MYH6: variants seen among roughly 807,000 people sequenced by gnomAD.
MYH6 encodes the protein myosin heavy chain 6.
Under a neutral mutation model 223.2 loss-of-function variants are expected in MYH6, and 126 were observed. That is an observed-to-expected ratio of 0.56 (90% CI 0.49 to 0.65). MYH6 has a LOEUF of 0.65. Among genes scored for constraint, MYH6 ranks in the 30% least tolerant of loss-of-function variants. MYH6 has a pLI of 0.00. For missense variants in MYH6, 2,040 were observed against 2,536.4 expected (o/e 0.80, Z 4.20); for synonymous variants, 978 against 1,010.2 (o/e 0.97, Z 0.61).
rs753478528 is a variant in MYH6 at position 23,386,435 on chromosome 14, G to A, written c.4839C>T (p.Val1613=). The A allele has an allele frequency of 3.1e-6, 5 of 1,614,164 alleles. No homozygotes were observed. In the South Asian group the frequency reaches 4.4e-5, roughly 14 times the overall value. The stretch of plus-strand genomic sequence containing the variant: ...CTTCCATCTTCTTCTTCACCCTCAG[G>A]ACCTCGTTGCGGCTGCGTGTCTCTG... ...LDAETRSRNE[V]LRVKKKMEGD... The change falls in exon 33 of 39, where the codon GTC becomes GTT. Residue 1613 remains valine, a synonymous_variant. Coordinates refer to ENST00000405093, the MANE Select transcript of MYH6 (RefSeq NM_002471.4).
chr14:23,385,188 T>C lies in MYH6; in HGVS notation c.5164-147A>G, dbSNP rs1890984511. ...AGACTATTGATCGTTTTGTACCTGC[T>C]TTCCCTTTTCCTATGAAAGTGCATA... On this transcript the variant is annotated intron_variant, in intron 34 of 38. Coordinates refer to ENST00000405093, the MANE Select transcript of MYH6 (RefSeq NM_002471.4). The C allele has an allele frequency of 3.2e-6, 3 of 939,782 alleles. No homozygotes were observed. In the African/African-American group the frequency reaches 4.9e-5, roughly 15 times the overall value. The allele number at this position is 939,782 out of a possible 1,614,324, so 58.2% of individuals were successfully genotyped here.
rs768169745 is a variant in MYH6, at chr14:23,388,485, C to G, written c.4176-147G>C. ...GAGCTGAGCCTGCTCATGCCTGGAA[C>G]AGAGTCCGCCAGCACGGGCTGCCCA... On this transcript the variant is annotated intron_variant, in intron 29 of 38. Coordinates refer to ENST00000405093, the MANE Select transcript of MYH6 (RefSeq NM_002471.4). 58 of 1,308,772 alleles carry G rather than the reference C, an allele frequency of 4.4e-5. No individual in the cohort carries two copies. In the South Asian group the frequency reaches 5.0e-4, roughly 11 times the overall value. 81.1% of individuals were successfully genotyped at this position (1,308,772 alleles called of 1,614,324 possible). A position where few individuals can be genotyped will look rare whatever the true frequency, so the allele number is the denominator to read the frequency against.
chr14:23,391,053 T>A (rs1247235586), intron 25 of MYH6, among the ~76,000 whole-genome samples: 1 of 152,208 alleles, frequency 6.6e-6, no homozygotes, highest in East Asian at 1.9e-4. Flanking sequence ...AGCAGGCTAC[T>A]CTCCTCTTCA....
At position 23,386,548 on chromosome 14, in the gene MYH6, G is replaced by T; in HGVS notation, c.4726C>A (p.Arg1576=). 2 of 1,613,980 alleles carry T rather than the reference G, an allele frequency of 1.2e-6. No homozygotes were observed. Among genetic ancestry groups the T allele is most frequent in the Non-Finnish European group, 1.7e-6 (2 of 1,179,968 alleles). ...EFNQIKAEIE[R]KLAEKDEEME... is the part of the protein sequence containing the mutation. ...TCCTCGTCCTTCTCTGCCAGCTTCC[G>T]CTCGATCTCTGCCTTGATCTGGTTG... Residue 1576 remains arginine, a synonymous_variant, in exon 33 of 39, where the codon CGG becomes AGG. Coordinates refer to ENST00000405093, the MANE Select transcript of MYH6 (RefSeq NM_002471.4).
chr14:23,382,665 A>C (rs178636), intron 37 of MYH6, 103 bp from the exon 38 acceptor site: 32,641 of 1,543,382 alleles, frequency 0.021, 811 homozygotes, highest in African/African-American at 0.12. Context: ...AGGCACCCAT[A>C]CCTCATGCAT....
intron 20 of MYH6, among the ~76,000 whole-genome samples, chr14:23,394,974 T>C (rs572325448): frequency 6.6e-6 from 1 of 152,368 alleles, no homozygotes; most frequent in East Asian, 1.9e-4. Flanking sequence ...CAAGCGATTC[T>C]CCTGCCTCAG....
At chr14:23,401,421 C>T (rs949980079) in intron 12 of MYH6, among the ~76,000 whole-genome samples, 2 of 152,238 alleles carry the variant, frequency 1.3e-5, no homozygotes, top group African/African-American at 4.8e-5. Context: ...CCTGGAAGAG[C>T]ACAGGGCTTG....
At position 23,393,864 on chromosome 14, in the gene MYH6, C is replaced by G; in HGVS notation, c.2730G>C (p.Leu910=). The part of the protein sequence containing the change: ...LNDAEERCDQ[L]IKNKIQLEAK... The stretch of plus-strand genomic sequence containing the variant: ...CCTCCAGCTGAATCTTGTTTTTGAT[C>G]AGCTGGTCGCAGCGCTCCTCAGCAT... Residue 910 remains leucine, a synonymous_variant, in exon 22 of 39, where the codon CTG becomes CTC. Transcript: ENST00000405093. 1 of 1,614,230 alleles carries G rather than the reference C, an allele frequency of 6.2e-7. No individual in the cohort carries two copies. The highest frequency in any genetic ancestry group is 8.5e-7 in the Non-Finnish European group (1 of 1,180,040).
intron 20 of MYH6, among the ~76,000 whole-genome samples, chr14:23,395,168 T>G (rs888765248): frequency 6.6e-6 from 1 of 152,210 alleles, no homozygotes; most frequent in Non-Finnish European, 1.5e-5. Context: ...CCCAGCCATA[T>G]GTATGTATCT....
chr14:23,393,310 C>G, intron 23 of MYH6, 32 bp downstream of exon 23: 2 of 1,614,030 alleles, frequency 1.2e-6, no homozygotes, highest in Non-Finnish European at 1.7e-6. Flanking sequence ...AAATCTTGCT[C>G]TGAGAGCAGG....
intron 24 of MYH6, 60 bp downstream of exon 24, chr14:23,392,852 C>A: frequency 6.2e-7 from 1 of 1,606,450 alleles, no homozygotes; most frequent in Admixed American, 1.7e-5. Flanking sequence ...CAGCACCCTG[C>A]ACTCTATCTA....
Position 23,389,337 on chromosome 14 carries a change from G to A in MYH6, c.3978+56C>T. ...CTCCAGGCTCCATTTCTGGCACTGAGATGAATTGCCCCAGGGCTGCCATCA... is the reference window on the plus strand; with the variant it reads ...CTCCAGGCTCCATTTCTGGCACTGAAATGAATTGCCCCAGGGCTGCCATCA... On this transcript the variant is annotated intron_variant, in intron 28 of 38. Coordinates refer to ENST00000405093, the MANE Select transcript of MYH6 (RefSeq NM_002471.4). 4 of 1,572,080 alleles carry A rather than the reference G, an allele frequency of 2.5e-6. No individual in the cohort carries two copies. In the South Asian group the frequency reaches 4.4e-5, roughly 17 times the overall value.
In MYH6 at chr14:23,397,612, C is replaced by G. The variant is rs1295528350; in HGVS notation, c.1893G>C (p.Gly631=). Residue 631 remains glycine (G), a splice_region_variant and synonymous_variant, in exon 16 of 39, where the codon GGG becomes GGC. Coordinates refer to ENST00000405093, the MANE Select transcript of MYH6 (RefSeq NM_002471.4). ...LFSSYATADT[G]DSGKSKGGKK... is the part of the protein sequence containing the mutation. ...TGCCTCCTTTGCTTTTACCACTGTC[C>G]CCTAAACAGCGAGAGGAGAAATAAT... is the stretch of plus-strand genomic sequence containing the variant. 1 of 1,614,090 alleles carries G rather than the reference C, an allele frequency of 6.2e-7. No individual in the cohort carries two copies. Among genetic ancestry groups the G allele is most frequent in the South Asian group, 1.1e-5 (1 of 91,088 alleles).
chr14:23,390,628 C>T (rs945272027), intron 25 of MYH6, among the ~76,000 whole-genome samples, 182 bp from the exon 26 acceptor site: 1 of 152,158 alleles, frequency 6.6e-6, no homozygotes. Flanking sequence ...GGGCTTGCTA[C>T]TGGCATCTAG....
intron 26 of MYH6, 28 bp downstream of exon 26, chr14:23,390,029 G>C: frequency 6.2e-7 from 1 of 1,613,622 alleles, no homozygotes; most frequent in Non-Finnish European, 8.5e-7. Context: ...GCAGGGGAGA[G>C]GGCGAGGGGA....
chr14:23,400,123 G>T, intron 14 of MYH6, 133 bp downstream of exon 14: 1 of 1,360,790 alleles, frequency 7.3e-7, no homozygotes, highest in Non-Finnish European at 1.0e-6. Context: ...TGACTTCACA[G>T]TGGGGAGAAG....
At chr14:23,408,121 TG>T in intron 1 of MYH6, 131 bp downstream of exon 1, 1 of 540,570 alleles carries the variant, frequency 1.8e-6, no homozygotes, top group Non-Finnish European at 2.4e-6. Flanking sequence ...TCCCTGGGCC[TG>T]GAGATAGGCA....
chr14:23,407,645 A>G lies in MYH6; in HGVS notation c.-46-37T>C. On this transcript the variant is annotated intron_variant, in intron 1 of 38. Coordinates refer to ENST00000405093, the MANE Select transcript of MYH6 (RefSeq NM_002471.4). This position sits in a 1 kb window ranked among gnomAD's most constrained non-coding sequence, Gnocchi z 5.6. ...GTGGAGCAAGGAACAACAGAGGTAGAGCCGGGCAGAGAGAAGAACAGATGA... is the reference window on the plus strand; with the variant it reads ...GTGGAGCAAGGAACAACAGAGGTAGGGCCGGGCAGAGAGAAGAACAGATGA... 1 of 1,112,924 alleles carries G rather than the reference A, an allele frequency of 9.0e-7. No individual in the cohort carries two copies. The highest frequency in any genetic ancestry group is 1.1e-6 in the Non-Finnish European group (1 of 905,510). 68.9% of individuals were successfully genotyped at this position (1,112,924 alleles called of 1,614,324 possible).
At position 23,405,560 on chromosome 14, in the gene MYH6, G is replaced by A. The variant is rs924510469; in HGVS notation, c.345+67C>T. 3.3e-5 allele frequency: 53 copies of A among 1,610,036 alleles called. No individual in the cohort carries two copies. The highest frequency in any genetic ancestry group is 4.2e-5 in the Non-Finnish European group (50 of 1,177,782). On this transcript the variant is annotated intron_variant, in intron 4 of 38. Coordinates refer to ENST00000405093, the MANE Select transcript of MYH6 (RefSeq NM_002471.4). The surrounding 1 kb of genome is among the most constrained non-coding windows in gnomAD (Gnocchi z 4.7). ...AGTCTCTCCCCCTCTTCTTGGGAGAGCCCCCCTGGCTTATTTAGGCCTCCA... is the reference window on the plus strand; with the variant it reads ...AGTCTCTCCCCCTCTTCTTGGGAGAACCCCCCTGGCTTATTTAGGCCTCCA...
Sources: allele counts gnomAD v4.1 joint callset (sites outside exome capture counted in the v4.1 genomes callset), GRCh38; gene constraint gnomAD v4.1.1; non-coding constraint Gnocchi (gnomAD v3.1); transcripts MANE v1.5; gene names NCBI Gene and HGNC (gene_info 2026-07-23, HGNC 2026-07-21).